Variants in SEMA4D observed in about 807,000 individuals in gnomAD.
The protein encoded by SEMA4D is semaphorin 4D, also known as semaphorin-4D.
SEMA4D carries 22 observed loss-of-function variants against 74.8 expected under a neutral mutation model. The observed-to-expected ratio is 0.29, with a 90% CI of 0.21 to 0.42. SEMA4D has a LOEUF of 0.42. Among genes scored for constraint, SEMA4D ranks in the 10% least tolerant of loss-of-function variants. The probability of loss-of-function intolerance (pLI) is 1.00; values close to 1 mark genes in which losing one functional copy is unlikely to be tolerated. For synonymous variants in SEMA4D, 445 were observed against 463.7 expected (o/e 0.96, Z 0.52); for missense variants, 937 against 1,118.4 (o/e 0.84, Z 2.31).
intron 1 of SEMA4D, among the ~76,000 whole-genome samples, chr9:89,462,928 G>A (rs1005193061): frequency 1.3e-5 from 2 of 148,218 alleles, no homozygotes. Flanking sequence ...GGGAAAAAGA[G>A]CAAGACTGTG....
rs1846162215 is a variant in SEMA4D at position 89,418,397 on chromosome 9, G to GTGTA, written c.-243-12702_-243-12699dup. 26 of 985,406 alleles carry GTGTA rather than the reference G, an allele frequency of 2.6e-5. No individual in the cohort carries two copies. The South Asian group carries it at 9.9e-4, about 37-fold the overall frequency. The allele number at this position is 985,406 out of a possible 1,614,324, so 61.0% of individuals were successfully genotyped here. ...GAGATGAGCCCCAGGACCCGACCAG[G>GTGTA]TGTACTTTCTTGCACAATAAGCCAT... On this transcript the variant is annotated intron_variant, in intron 2 of 15. Transcript: ENST00000422704.
At chr9:89,489,424 A>G (rs1329005597) in intron 1 of SEMA4D, among the ~76,000 whole-genome samples, 1 of 152,186 alleles carries the variant, frequency 6.6e-6, no homozygotes, top group East Asian at 1.9e-4. Flanking sequence ...GTACATTCGC[A>G]ATGTTATGTA....
chr9:89,487,403 A>G (rs960617211), intron 1 of SEMA4D, among the ~76,000 whole-genome samples: 4 of 152,102 alleles, frequency 2.6e-5, no homozygotes, highest in Non-Finnish European at 5.9e-5. Context: ...GGCACTTCAT[A>G]TCTTTACCTA....
intron 1 of SEMA4D, among the ~76,000 whole-genome samples, chr9:89,488,573 A>G (rs1235439446): frequency 3.3e-5 from 5 of 152,052 alleles, no homozygotes; most frequent in Admixed American, 2.0e-4. Context: ...GGGTTTCACC[A>G]TATTGGCCAG....
intron 2 of SEMA4D, among the ~76,000 whole-genome samples, chr9:89,424,296 A>G (rs1587785979): frequency 6.6e-6 from 1 of 152,224 alleles, no homozygotes; most frequent in South Asian, 2.1e-4. Context: ...ATGGCGGCCC[A>G]CACCAAGGTG....
Position 89,452,511 on chromosome 9 carries a change from G to A in SEMA4D, c.-244+3377C>T, listed in dbSNP as rs183118953. On this transcript the variant is annotated intron_variant, in intron 2 of 15. Coordinates refer to ENST00000422704, the MANE Select transcript of SEMA4D (RefSeq NM_001371194.2). ...CTGTCGCCTAGGCTGGAGTGCAATG[G>A]TGCGATCTCAGCTCACTGCAACCTC... 3.3e-3 allele frequency among the ~76,000 whole-genome samples: 508 copies of A among 152,170 alleles called. 3 individuals are homozygous for A. Among genetic ancestry groups the A allele is most frequent in the African/African-American group, 0.012 (490 of 41,516 alleles).
intron 2 of SEMA4D, among the ~76,000 whole-genome samples, chr9:89,411,986 G>A (rs1029352653): frequency 6.6e-6 from 1 of 152,124 alleles, no homozygotes; most frequent in African/African-American, 2.4e-5. Flanking sequence ...TTGCAGCCTT[G>A]GCACTTGCTG....
chr9:89,399,267 G>T lies in SEMA4D; in HGVS notation c.315+9C>A, dbSNP rs370943501. 9.3e-6 allele frequency: 15 copies of T among 1,611,080 alleles called. No homozygotes were observed. The highest frequency in any genetic ancestry group is 1.3e-5 in the Non-Finnish European group (15 of 1,177,402). The stretch of plus-strand genomic sequence containing the variant: ...ATGGGATTCTTTGTAGCTTGCAAAA[G>T]AAATTTACCTGTTTTGATTTCCCCT... On this transcript the variant is annotated intron_variant, in intron 5 of 15. Transcript: ENST00000422704.
At chr9:89,473,329 C>A (rs1045615071) in intron 1 of SEMA4D, among the ~76,000 whole-genome samples, 10 of 152,172 alleles carry the variant, frequency 6.6e-5, no homozygotes, top group African/African-American at 2.2e-4. Context: ...AATCCCAGCA[C>A]TTTAGGAGGC....
intron 1 of SEMA4D, among the ~76,000 whole-genome samples, chr9:89,464,838 G>A (rs1858260461): frequency 2.0e-5 from 3 of 151,926 alleles, no homozygotes; most frequent in Admixed American, 2.0e-4. Flanking sequence ...TGGGGGGAGG[G>A]TGCGGAGAGC....
chr9:89,493,769 C>G (rs1825803377), intron 1 of SEMA4D, among the ~76,000 whole-genome samples: 1 of 152,228 alleles, frequency 6.6e-6, no homozygotes, highest in Admixed American at 6.5e-5. Flanking sequence ...CTTTAGGTTA[C>G]TTAACATATC....
intron 1 of SEMA4D, among the ~76,000 whole-genome samples, chr9:89,459,234 A>T (rs1856688598): frequency 6.6e-6 from 1 of 150,588 alleles, no homozygotes; most frequent in Non-Finnish European, 1.5e-5. Flanking sequence ...TTGGAGCCCC[A>T]GTCCGGTAGT....
At position 89,484,696 on chromosome 9, in the gene SEMA4D, T is replaced by C. The variant is rs1825019161; in HGVS notation, c.-310+13223A>G. On this transcript the variant is annotated intron_variant, in intron 1 of 15. Transcript: ENST00000422704. The surrounding 1 kb of genome is among the most constrained non-coding windows in gnomAD (Gnocchi z 4.1). The stretch of plus-strand genomic sequence containing the variant: ...TGTAGTGTGGTGGCTGTGTGTGTGG[T>C]ATGTGATGTGGTGTATGGATGTGTT... Among the ~76,000 whole-genome samples the C allele has an allele frequency of 6.6e-6, 1 of 150,908 alleles. No individual in the cohort carries two copies. The highest frequency in any genetic ancestry group is 2.4e-5 in the African/African-American group (1 of 40,954).
intron 2 of SEMA4D, among the ~76,000 whole-genome samples, chr9:89,426,625 T>C (rs1834730400): frequency 6.6e-6 from 1 of 152,198 alleles, no homozygotes; most frequent in African/African-American, 2.4e-5. Flanking sequence ...GTCTCAGTAC[T>C]GACCTTAAAT....
chr9:89,475,937 C>A (rs1435844226), intron 1 of SEMA4D, among the ~76,000 whole-genome samples: 2 of 152,146 alleles, frequency 1.3e-5, no homozygotes, highest in Non-Finnish European at 2.9e-5. Flanking sequence ...GAAAATGAAG[C>A]AGTTTTTGGA....
intron 1 of SEMA4D, among the ~76,000 whole-genome samples, chr9:89,472,915 G>A (rs1460468010): frequency 2.6e-5 from 4 of 151,652 alleles, no homozygotes; most frequent in Non-Finnish European, 5.9e-5. Context: ...GCAACATAGT[G>A]AGACCCCATC....
chr9:89,423,119 T>C (rs1048455461), intron 2 of SEMA4D, among the ~76,000 whole-genome samples: 6 of 152,340 alleles, frequency 3.9e-5, no homozygotes, highest in South Asian at 2.1e-4. Context: ...TTTCAGTTAG[T>C]TGAGCTGAAG....
chr9:89,402,832 G>A, intron 4 of SEMA4D, 39 bp downstream of exon 4: 1 of 1,591,472 alleles, frequency 6.3e-7, no homozygotes, highest in Non-Finnish European at 8.6e-7. Context: ...GCCCACTCAA[G>A]CTGGGCTATG....
intron 1 of SEMA4D, among the ~76,000 whole-genome samples, chr9:89,491,569 A>AG (rs1299304251): frequency 6.6e-4 from 94 of 143,084 alleles, no homozygotes; most frequent in African/African-American, 2.2e-3. Context: ...ACTCTGTCTC[A>AG]AAAACAACAA....
Sources: allele counts gnomAD v4.1 joint callset (sites outside exome capture counted in the v4.1 genomes callset), GRCh38; gene constraint gnomAD v4.1.1; non-coding constraint Gnocchi (gnomAD v3.1); transcripts MANE v1.5; gene names NCBI Gene and HGNC (gene_info 2026-07-23, HGNC 2026-07-21).